TENM3: variants seen among roughly 807,000 people sequenced by gnomAD.
TENM3 encodes the protein teneurin-3.
Under a neutral mutation model 255.1 loss-of-function variants are expected in TENM3, and 63 were observed. The observed-to-expected ratio is 0.25, with a 90% CI of 0.20 to 0.30. The LOEUF is 0.30. Ranked by LOEUF, TENM3 falls within the 10% of genes least tolerant of loss-of-function variation. The pLI, the probability that TENM3 is intolerant of heterozygous loss-of-function variation, is 1.00. For synonymous variants in TENM3, 1,306 were observed against 1,322.3 expected, an observed-to-expected ratio of 0.99 and a Z score of 0.27; for missense variants, 2,929 against 3,461.1, an observed-to-expected ratio of 0.85 and a Z score of 3.86.
chr4:182,508,034 C>A (rs918344984), intron 3 of TENM3, among the ~76,000 whole-genome samples: 4 of 152,124 alleles, frequency 2.6e-5, no homozygotes, highest in African/African-American at 9.7e-5. Flanking sequence ...GGGATGGAAT[C>A]CTAGTTCTGT....
At chr4:182,323,548 G>A (rs1402127461) in intron 1 of TENM3, among the ~76,000 whole-genome samples, 1 of 152,014 alleles carries the variant, frequency 6.6e-6, no homozygotes, top group African/African-American at 2.4e-5. Flanking sequence ...GAAAATGAAA[G>A]GGAATTTATT....
chr4:182,567,426 G>A (rs76731258), intron 3 of TENM3, among the ~76,000 whole-genome samples: 1,534 of 152,238 alleles, frequency 0.01, 32 homozygotes, highest in African/African-American at 0.035. Flanking sequence ...GTTTCAGTGT[G>A]TCACTGGGTC....
At chr4:182,540,544 G>A (rs1452053394) in intron 3 of TENM3, among the ~76,000 whole-genome samples, 3 of 151,954 alleles carry the variant, frequency 2.0e-5, no homozygotes, top group African/African-American at 4.8e-5. Flanking sequence ...CCGAGATCAC[G>A]CCATTGCACT....
rs1766697284 is a variant in TENM3 at position 182,799,003 on chromosome 4, A to G, written c.7345-593A>G. Among the ~76,000 whole-genome samples the G allele has an allele frequency of 1.3e-5, 2 of 152,258 alleles. No individual in the cohort carries two copies. The highest frequency in any genetic ancestry group is 1.3e-4 in the Admixed American group (2 of 15,294). ...AGAAAAATAATTGTTTTCCTAAAGT[A>G]ACAAATATCGTCTCCAGCTGCCCCA... On this transcript the variant is annotated intron_variant, in intron 27 of 27. Coordinates refer to ENST00000511685, the MANE Select transcript of TENM3 (RefSeq NM_001080477.4). The surrounding 1 kb of genome is among the most constrained non-coding windows in gnomAD (Gnocchi z 4.2).
the TENM3 span, among the ~76,000 whole-genome samples, chr4:182,104,503 CTTTTTTTTTTT>C: frequency 1.5e-5 from 1 of 66,138 alleles, no homozygotes; most frequent in Non-Finnish European, 2.7e-5. Flanking sequence ...ACTGTTGACT[CTTTTTTTTTTT>C]TTTTTTTTTT....
At chr4:182,338,014 A>T (rs145494045) in intron 2 of TENM3, among the ~76,000 whole-genome samples, 100 of 152,210 alleles carry the variant, frequency 6.6e-4, no homozygotes, top group African/African-American at 2.4e-3. Context: ...GAGTGATCTT[A>T]TCTTGCTTGG....
At chr4:182,382,420 A>C (rs1767636137) in intron 3 of TENM3, among the ~76,000 whole-genome samples, 1 of 152,074 alleles carries the variant, frequency 6.6e-6, no homozygotes, top group South Asian at 2.1e-4. Context: ...CTCACATCCA[A>C]AATAGCTCAA....
the TENM3 span, among the ~76,000 whole-genome samples, chr4:181,777,395 CT>C: frequency 6.6e-6 from 1 of 151,972 alleles, no homozygotes; most frequent in Non-Finnish European, 1.5e-5. Flanking sequence ...CTGTTCAGCT[CT>C]TTTTTTGTTC....
At chr4:182,513,347 G>T (rs540039756) in intron 3 of TENM3, among the ~76,000 whole-genome samples, 1 of 152,128 alleles carries the variant, frequency 6.6e-6, no homozygotes, top group South Asian at 2.1e-4. Context: ...ACTCAGTAAA[G>T]AATTAGAAGG....
intron 3 of TENM3, among the ~76,000 whole-genome samples, chr4:182,498,583 G>A (rs1736025700): frequency 6.6e-6 from 1 of 152,130 alleles, no homozygotes; most frequent in Admixed American, 6.5e-5. Flanking sequence ...GCCGGGCGTG[G>A]TGTCTCACGC....
the TENM3 span, among the ~76,000 whole-genome samples, chr4:181,823,256 T>G: frequency 6.6e-6 from 1 of 152,188 alleles, no homozygotes; most frequent in Non-Finnish European, 1.5e-5. Flanking sequence ...TCTGAATACA[T>G]GAGTCTTCTT....
chr4:182,530,712 G>A (rs868279121), intron 3 of TENM3, among the ~76,000 whole-genome samples: 19 of 152,308 alleles, frequency 1.2e-4, no homozygotes, highest in Middle Eastern at 3.4e-3. Flanking sequence ...CTAGCCTGGA[G>A]CATAGTTGCA....
intron 3 of TENM3, among the ~76,000 whole-genome samples, chr4:182,474,398 G>T (rs1285455171): frequency 2.6e-5 from 3 of 116,918 alleles, no homozygotes; most frequent in African/African-American, 7.7e-5. Context: ...ATTCAGCTAG[G>T]GCACTATTTA....
In TENM3 at chr4:182,800,156, C is replaced by T; in HGVS notation, c.7905C>T (p.Arg2635=). The T allele has an allele frequency of 6.9e-7, 1 of 1,453,178 alleles. No homozygotes were observed. Among genetic ancestry groups the T allele is most frequent in the Non-Finnish European group, 9.0e-7 (1 of 1,112,864 alleles). 90.0% of individuals were successfully genotyped at this position (1,453,178 alleles called of 1,614,324 possible). A position where few individuals can be genotyped will look rare whatever the true frequency, so the allele number is the denominator to read the frequency against. ...RQRALARAWA[R]EQQRVRDGEE... ...GCGCGCTCGCCCGGGCCTGGGCGCG[C>T]GAGCAGCAGCGCGTGCGCGACGGCG... is the stretch of plus-strand genomic sequence containing the variant. Residue 2635 remains arginine, a synonymous_variant, in exon 28 of 28, where the codon CGC becomes CGT. Transcript: ENST00000511685.
At chr4:181,673,906 A>G in the TENM3 span, among the ~76,000 whole-genome samples, 1 of 151,344 alleles carries the variant, frequency 6.6e-6, no homozygotes, top group African/African-American at 2.4e-5. Flanking sequence ...GAATTATGGC[A>G]AAGAGGCCAT....
chr4:182,627,136 C>A (rs1311258676), intron 4 of TENM3, among the ~76,000 whole-genome samples: 1 of 152,184 alleles, frequency 6.6e-6, no homozygotes, highest in Non-Finnish European at 1.5e-5. Flanking sequence ...ACCTATTCAG[C>A]CTTTTCTAAG....
chr4:181,874,744 A>G, the TENM3 span, among the ~76,000 whole-genome samples: 1 of 152,090 alleles, frequency 6.6e-6, no homozygotes, highest in Non-Finnish European at 1.5e-5. Context: ...GTGCCCTACC[A>G]TGCATGTTCC....
intron 4 of TENM3, among the ~76,000 whole-genome samples, chr4:182,605,372 A>G (rs1036533920): frequency 6.6e-5 from 10 of 152,114 alleles, no homozygotes; most frequent in African/African-American, 2.4e-4. Flanking sequence ...AATATTACTG[A>G]ATATGGAAAA....
chr4:182,559,274 G>T (rs1313387631), intron 3 of TENM3, among the ~76,000 whole-genome samples: 1 of 151,922 alleles, frequency 6.6e-6, no homozygotes, highest in Non-Finnish European at 1.5e-5. Context: ...CAATGCTCAG[G>T]AGAGAATTAT....
Sources: gnomAD v4.1 joint callset for allele counts (sites outside exome capture counted in the v4.1 genomes callset) on GRCh38, gnomAD v4.1.1 for gene constraint, Gnocchi (gnomAD v3.1) non-coding constraint, MANE v1.5 for transcripts, NCBI Gene and HGNC (gene_info 2026-07-23, HGNC 2026-07-21) for gene names.